The following MAML3 variants were observed in gnomAD, a reference collection of about 807,000 sequenced individuals.
MAML3 encodes the protein mastermind-like protein 3.
A neutral mutation model predicts 101.9 loss-of-function variants in MAML3; 27 were observed. The observed-to-expected ratio is 0.27, with a 90% CI of 0.20 to 0.37. The LOEUF (loss-of-function observed/expected upper bound fraction) is 0.37. Among genes scored for constraint, MAML3 ranks in the 10% least tolerant of loss-of-function variants. The probability of loss-of-function intolerance (pLI) is 1.00; values close to 1 mark genes in which losing one functional copy is unlikely to be tolerated. For synonymous variants in MAML3, 501 were observed against 555.9 expected (o/e 0.90, Z 1.39); for missense variants, 1,316 against 1,444.9 (o/e 0.91, Z 1.45).
chr4:139,957,780 A>T (rs1184191275), intron 1 of MAML3, among the ~76,000 whole-genome samples: 5 of 152,186 alleles, frequency 3.3e-5, no homozygotes, highest in Non-Finnish European at 7.3e-5. Flanking sequence ...AGCACCAAAT[A>T]ATTATTAGTT....
At chr4:139,970,657 C>T (rs1314830657) in intron 1 of MAML3, among the ~76,000 whole-genome samples, 1 of 152,154 alleles carries the variant, frequency 6.6e-6, no homozygotes, top group Non-Finnish European at 1.5e-5. Flanking sequence ...GGAACAAGGT[C>T]AGCTAGAGAA....
At chr4:140,073,494 T>C (rs905979725) in intron 1 of MAML3, among the ~76,000 whole-genome samples, 10 of 152,084 alleles carry the variant, frequency 6.6e-5, no homozygotes, top group Non-Finnish European at 1.5e-4. Flanking sequence ...TCTGGTACTA[T>C]AGATGAGTTC....
At position 139,796,602 on chromosome 4, in the gene MAML3, G is replaced by C. The variant is rs552614159; in HGVS notation, c.2080-65935C>G. ...AAGTAAGGGAATAATCTAGTGATTC[G>C]AATGTGTTGAAAAATCAACCAACCG... On this transcript the variant is annotated intron_variant, in intron 2 of 4. Coordinates refer to ENST00000509479, the MANE Select transcript of MAML3 (RefSeq NM_018717.5). 3.3e-5 allele frequency among the ~76,000 whole-genome samples: 5 copies of C among 152,072 alleles called. No homozygotes were observed. In the South Asian group the frequency reaches 6.2e-4, roughly 19 times the overall value.
intron 1 of MAML3, among the ~76,000 whole-genome samples, chr4:139,951,734 C>CT (rs71584344): frequency 0.097 from 13,896 of 142,818 alleles, 812 homozygotes; most frequent in African/African-American, 0.17. Context: ...TGTTTTTGTT[C>CT]TTTTTTTTTT....
chr4:140,146,388 G>A (rs1418838087), intron 1 of MAML3, among the ~76,000 whole-genome samples: 1 of 152,108 alleles, frequency 6.6e-6, no homozygotes, highest in African/African-American at 2.4e-5. Flanking sequence ...CTCCTTCTCT[G>A]ATCCACTGAA....
At chr4:140,099,829 C>T (rs1728226039) in intron 1 of MAML3, among the ~76,000 whole-genome samples, 2 of 152,144 alleles carry the variant, frequency 1.3e-5, no homozygotes, top group South Asian at 2.1e-4. Flanking sequence ...TACTGCTCTC[C>T]GACAGGGTTT....
At chr4:140,033,066 T>C (rs1176949271) in intron 1 of MAML3, among the ~76,000 whole-genome samples, 1 of 152,134 alleles carries the variant, frequency 6.6e-6, no homozygotes, top group Admixed American at 6.6e-5. Flanking sequence ...CATGAGTCTG[T>C]TTTGGAATTT....
chr4:140,074,178 A>G (rs1727716530), intron 1 of MAML3, among the ~76,000 whole-genome samples: 1 of 30,242 alleles, frequency 3.3e-5, no homozygotes, highest in South Asian at 1.0e-3. Flanking sequence ...AAAGAAAGAA[A>G]GAGAGAGAGA....
intron 2 of MAML3, among the ~76,000 whole-genome samples, chr4:139,839,790 T>C (rs1274031879): frequency 6.6e-6 from 1 of 152,104 alleles, no homozygotes; most frequent in Non-Finnish European, 1.5e-5. Flanking sequence ...GACTGCTGAT[T>C]ATAAATGACC....
chr4:139,974,394 C>G (rs928082880), intron 1 of MAML3, among the ~76,000 whole-genome samples: 1 of 152,056 alleles, frequency 6.6e-6, no homozygotes, highest in Non-Finnish European at 1.5e-5. Context: ...TGTAAGCCAC[C>G]GCGCCCGGCC....
intron 2 of MAML3, among the ~76,000 whole-genome samples, chr4:139,880,632 T>C (rs548825351): frequency 6.6e-6 from 1 of 152,352 alleles, no homozygotes; most frequent in South Asian, 2.1e-4. Context: ...ACTGTTGTCT[T>C]TTTCAATACA....
chr4:139,823,705 A>C (rs1283069365), intron 2 of MAML3, among the ~76,000 whole-genome samples: 1 of 150,746 alleles, frequency 6.6e-6, no homozygotes, highest in Non-Finnish European at 1.5e-5. Context: ...CTAACATACT[A>C]TGTAATTTAC....
At chr4:139,775,620 T>C (rs758542920) in intron 2 of MAML3, among the ~76,000 whole-genome samples, 21 of 152,262 alleles carry the variant, frequency 1.4e-4, no homozygotes, top group Non-Finnish European at 2.5e-4. Flanking sequence ...AGGGGGCAGT[T>C]TGCAGCAGAG....
intron 1 of MAML3, among the ~76,000 whole-genome samples, chr4:140,109,045 T>G (rs1477925912): frequency 1.3e-5 from 2 of 152,232 alleles, no homozygotes; most frequent in Non-Finnish European, 2.9e-5. Context: ...TAGTTTCAAC[T>G]TGTTGAGACA....
chr4:140,114,985 C>A (rs1202797968), intron 1 of MAML3, among the ~76,000 whole-genome samples: 2 of 152,150 alleles, frequency 1.3e-5, no homozygotes, highest in African/African-American at 4.8e-5. Flanking sequence ...TAACTTCATT[C>A]AACTCATAAA....
intron 1 of MAML3, among the ~76,000 whole-genome samples, chr4:140,034,591 A>G (rs929058139): frequency 6.6e-6 from 1 of 152,240 alleles, no homozygotes; most frequent in African/African-American, 2.4e-5. Flanking sequence ...TAGATGCTCC[A>G]TAACGCCATA....
chr4:139,849,245 C>T (rs1731506673), intron 2 of MAML3, among the ~76,000 whole-genome samples: 1 of 152,000 alleles, frequency 6.6e-6, no homozygotes, highest in Non-Finnish European at 1.5e-5. Context: ...ACTTGAATTG[C>T]TGTGTAGGTG....
At chr4:140,145,454 A>G (rs1729041985) in intron 1 of MAML3, among the ~76,000 whole-genome samples, 1 of 152,238 alleles carries the variant, frequency 6.6e-6, no homozygotes, top group Non-Finnish European at 1.5e-5. Context: ...GTCATTTCCA[A>G]TCAATGGGAG....
At chr4:140,150,380 C>G (rs765553821) in intron 1 of MAML3, among the ~76,000 whole-genome samples, 4 of 152,144 alleles carry the variant, frequency 2.6e-5, no homozygotes, top group Non-Finnish European at 4.4e-5. Flanking sequence ...CGCGCGCACC[C>G]GAGCCCTCCC....
Sources: allele counts gnomAD v4.1 joint callset (sites outside exome capture counted in the v4.1 genomes callset), GRCh38; gene constraint gnomAD v4.1.1; transcripts MANE v1.5; gene names NCBI Gene and HGNC (gene_info 2026-07-23, HGNC 2026-07-21).